The following CSPG4 variants were observed in gnomAD, a reference collection of about 807,000 sequenced individuals.
The protein encoded by CSPG4 is chondroitin sulfate proteoglycan 4, also known as chondroitin sulfate proteoglycan 4 (melanoma-associated).
Under a neutral mutation model 139.3 loss-of-function variants are expected in CSPG4, and 74 were observed. That is an observed-to-expected ratio of 0.53 (90% confidence interval 0.44 to 0.64). The LOEUF is 0.64. Among genes scored for constraint, CSPG4 ranks in the 30% least tolerant of loss-of-function variants. The probability of loss-of-function intolerance (pLI) is 0.00; values close to 1 mark genes in which losing one functional copy is unlikely to be tolerated. For missense variants in CSPG4, 2,565 were observed against 3,148.3 expected (o/e 0.81, Z 4.43); for synonymous variants, 1,234 against 1,394.2 (o/e 0.89, Z 2.56).
In CSPG4 at chr15:75,683,147, C is replaced by T. The variant is rs567959577; in HGVS notation, c.4450-106G>A. 2.8e-4 allele frequency: 327 copies of T among 1,161,096 alleles called. 1 individual carries two copies. In the African/African-American group the frequency reaches 4.4e-3, roughly 16 times the overall value. 71.9% of individuals were successfully genotyped at this position (1,161,096 alleles called of 1,614,324 possible). A position where few individuals can be genotyped will look rare whatever the true frequency, so the allele number is the denominator to read the frequency against. On this transcript the variant is annotated intron_variant, in intron 5 of 9. Transcript: ENST00000308508. ...CTCCAGTCCTGCTGCGGCTCAGCCC[C>T]TCGGGTGGCATCGAGGCTGGCGCCA... is the stretch of plus-strand genomic sequence containing the variant.
chr15:75,702,686 C>G (rs1894321178), intron 1 of CSPG4, among the ~76,000 whole-genome samples: 2 of 152,378 alleles, frequency 1.3e-5, no homozygotes, highest in Middle Eastern at 3.4e-3. Flanking sequence ...ACACTATGGC[C>G]TGGGAGGGCT....
At position 75,691,888 on chromosome 15, in the gene CSPG4, C is replaced by T. The variant is rs577231308; in HGVS notation, c.253-1076G>A. Among the ~76,000 whole-genome samples, 41 of 152,282 alleles carry T rather than the reference C, an allele frequency of 2.7e-4. 1 individual carries two copies. In the South Asian group the frequency reaches 6.4e-3, roughly 24 times the overall value. The stretch of plus-strand genomic sequence containing the variant: ...CTACAGAACTGGACAGCCATCAGCA[C>T]CAGCCTGCACCACGCTGGTGTTTAA... On this transcript the variant is annotated intron_variant, in intron 2 of 9. Coordinates refer to ENST00000308508, the MANE Select transcript of CSPG4 (RefSeq NM_001897.5).
intron 1 of CSPG4, among the ~76,000 whole-genome samples, chr15:75,709,767 C>G (rs955617503): frequency 1.3e-5 from 2 of 152,318 alleles, no homozygotes; most frequent in Admixed American, 1.3e-4. Flanking sequence ...CTGCCGTCAT[C>G]GACAGCCGCC....
chr15:75,703,318 C>G (rs1397640577), intron 1 of CSPG4, among the ~76,000 whole-genome samples: 273 of 149,300 alleles, frequency 1.8e-3, no homozygotes, highest in African/African-American at 6.1e-3. Flanking sequence ...ACTGAGAGAT[C>G]GGGGGTGCTC....
Position 75,698,999 on chromosome 15 carries a change from C to G in CSPG4, c.89-5766G>C, listed in dbSNP as rs1032044270. ...TCACACACCTGCAGACCCCTCAGGG[C>G]TCACTGCTCTTTAGCAACTCTTCCT... On this transcript the variant is annotated intron_variant, in intron 1 of 9. Transcript: ENST00000308508. This position sits in a 1 kb window ranked among gnomAD's most constrained non-coding sequence, Gnocchi z 4.3. 3.2e-4 allele frequency among the ~76,000 whole-genome samples: 48 copies of G among 151,934 alleles called. No homozygotes were observed. The highest frequency in any genetic ancestry group is 1.2e-4 in the Non-Finnish European group (8 of 68,026).
Position 75,688,902 on chromosome 15 carries a change from C to T in CSPG4, c.2163G>A (p.Glu721=). Reference sequence around the variant, plus strand: ...CCTGTGTGGCCCACCACTCAGCACCCTCCACCCCACCTGCCCCCTGCTTCT... The same window carrying T: ...CCTGTGTGGCCCACCACTCAGCACCTTCCACCCCACCTGCCCCCTGCTTCT... ...ELQKQGAGGV[E]GAEWWATQAF... is the part of the protein sequence containing the mutation. The change falls in exon 3 of 10, where the codon GAG becomes GAA. Residue 721 remains glutamate, a synonymous_variant. Coordinates refer to ENST00000308508, the MANE Select transcript of CSPG4 (RefSeq NM_001897.5). 6.2e-7 allele frequency: 1 copy of T among 1,612,284 alleles called. No individual in the cohort carries two copies. Among genetic ancestry groups the T allele is most frequent in the Non-Finnish European group, 8.5e-7 (1 of 1,179,982 alleles).
intron 8 of CSPG4, among the ~76,000 whole-genome samples, chr15:75,678,232 A>G (rs926528565): frequency 6.6e-6 from 1 of 152,204 alleles, no homozygotes; most frequent in African/African-American, 2.4e-5. Context: ...TTCTGAAGAC[A>G]CCACTTCTAC....
chr15:75,677,937 C>T (rs1893917316), intron 8 of CSPG4, 51 bp from the exon 9 acceptor site: 3 of 1,521,314 alleles, frequency 2.0e-6, no homozygotes, highest in Non-Finnish European at 2.6e-6. Flanking sequence ...CTGTGTTGTC[C>T]AGACACTGAG....
intron 1 of CSPG4, among the ~76,000 whole-genome samples, chr15:75,700,149 G>A (rs1302985142): frequency 6.6e-6 from 1 of 152,196 alleles, no homozygotes; most frequent in Non-Finnish European, 1.5e-5. Flanking sequence ...TTAAGCTCCT[G>A]TGGGTGTGGC....
rs188314342 is a variant in CSPG4, at chr15:75,688,326, A to G, written c.2739T>C (p.Gly913=). The part of the protein sequence containing the change: ...TNVLLVVPEG[G]EGVLSADHLF... ...GGTGGTCAGCAGAGAGGACACCCTC[A>G]CCACCCTCAGGCACCACGAGGAGGA... The change falls in exon 3 of 10, where the codon GGT becomes GGC. Residue 913 remains glycine (G), a synonymous_variant. Coordinates refer to ENST00000308508, the MANE Select transcript of CSPG4 (RefSeq NM_001897.5). The G allele has an allele frequency of 6.2e-7, 1 of 1,613,260 alleles. No homozygotes were observed. The highest frequency in any genetic ancestry group is 8.5e-7 in the Non-Finnish European group (1 of 1,180,040).
chr15:75,689,738 C>T lies in CSPG4; in HGVS notation c.1327G>A (p.Gly443Ser), dbSNP rs764727782. 5 of 1,612,802 alleles carry T rather than the reference C, an allele frequency of 3.1e-6. No homozygotes were observed. The South Asian group carries it at 4.4e-5, about 14-fold the overall frequency. ...TISPLVVAEG[G>S]TAWLEWRHVQ... is the part of the protein sequence containing the mutation. ...TGCCTCCACTCAAGCCAGGCTGTGC[C>T]CCCCTCGGCCACCACCAGTGGGCTG... Residue 443 changes from glycine to serine, a missense_variant, in exon 3 of 10, where the codon GGC becomes AGC. By Grantham distance (56) the Gly-to-Ser change is moderately conservative. This residue lies in a region of CSPG4 where 2,316 missense variants were observed against 2,818.2 expected (regional missense o/e 0.82). Transcript: ENST00000308508.
intron 1 of CSPG4, among the ~76,000 whole-genome samples, chr15:75,703,316 A>C (rs1352645188): frequency 6.7e-6 from 1 of 149,134 alleles, no homozygotes; most frequent in Admixed American, 6.7e-5. Context: ...GGACTGAGAG[A>C]TCGGGGGTGC....
chr15:75,709,102 C>T (rs1306036697), intron 1 of CSPG4, among the ~76,000 whole-genome samples: 4 of 152,172 alleles, frequency 2.6e-5, no homozygotes, highest in Admixed American at 6.5e-5. Flanking sequence ...GTTACGGACC[C>T]TCCTGAGAAG....
In CSPG4 at chr15:75,689,802, C is replaced by A. The variant is rs764449195; in HGVS notation, c.1263G>T (p.Leu421=). The A allele has an allele frequency of 1.2e-5, 19 of 1,612,704 alleles. 1 individual carries two copies. In the South Asian group the frequency reaches 1.9e-4, roughly 16 times the overall value. The part of the protein sequence containing the change: ...LPEPCVPEPG[L]PPVFANFTQL... ...GGGTGAAATTGGCAAAGACAGGAGG[C>A]AGCCCTGGCTCAGGCACGCATGGCT... Residue 421 remains leucine (L), a synonymous_variant, in exon 3 of 10, where the codon CTG becomes CTT. Transcript: ENST00000308508.
chr15:75,697,533 C>G (rs1371585837), intron 1 of CSPG4, among the ~76,000 whole-genome samples: 1 of 152,228 alleles, frequency 6.6e-6, no homozygotes, highest in African/African-American at 2.4e-5. Flanking sequence ...CCCGTGTGAG[C>G]CCTACCCACC....
At chr15:75,707,305 TTAAAAAAA>T (rs1279288981) in intron 1 of CSPG4, among the ~76,000 whole-genome samples, 2 of 152,172 alleles carry the variant, frequency 1.3e-5, no homozygotes, top group Non-Finnish European at 2.9e-5. Flanking sequence ...CAAAATTTCT[TTAAAAAAA>T]TCTATAATGT....
In CSPG4 at chr15:75,685,591, G is replaced by A. The variant is rs768726814; in HGVS notation, c.3900C>T (p.Pro1300=). ...VSRGALADEP[P]SLDPVQSFSQ... is the part of the protein sequence containing the mutation. ...AGAAGCTCTGCACAGGGTCCAGGCT[G>A]GGTGGCTCATCTGCCAAGGCGCCAC... Residue 1300 remains proline, a synonymous_variant, in exon 4 of 10, where the codon CCC becomes CCT. Transcript: ENST00000308508. 8 of 1,609,756 alleles carry A rather than the reference G, an allele frequency of 5.0e-6. No homozygotes were observed. In the South Asian group the frequency reaches 6.6e-5, roughly 13 times the overall value.
intron 1 of CSPG4, among the ~76,000 whole-genome samples, chr15:75,703,630 T>C (rs1296438345): frequency 6.6e-6 from 1 of 151,786 alleles, no homozygotes; most frequent in Non-Finnish European, 1.5e-5. Context: ...CCCCAAGGGC[T>C]GTCTTGGGCA....
rs746752555 is a variant in CSPG4 at position 75,682,910 on chromosome 15, C to T, written c.4581G>A (p.Pro1527=). ...SNGRVVLRGA[P]GTEVRSFTQA... Reference sequence around the variant, plus strand: ...GCGTGAAGCTGCGCACCTCAGTGCCCGGCGCCCCCCGCAGCACTACCCGCC... The same window carrying T: ...GCGTGAAGCTGCGCACCTCAGTGCCTGGCGCCCCCCGCAGCACTACCCGCC... Residue 1527 remains proline, a synonymous_variant, in exon 6 of 10, where the codon CCG becomes CCA. Transcript: ENST00000308508. 1.5e-4 allele frequency: 248 copies of T among 1,610,626 alleles called. No homozygotes were observed. The highest frequency in any genetic ancestry group is 1.8e-4 in the Non-Finnish European group (213 of 1,179,558).
Sources: allele counts gnomAD v4.1 joint callset (sites outside exome capture counted in the v4.1 genomes callset), GRCh38; gene constraint gnomAD v4.1.1; regional missense constraint gnomAD v4.1.1; non-coding constraint Gnocchi (gnomAD v3.1); transcripts MANE v1.5; gene names NCBI Gene and HGNC (gene_info 2026-07-23, HGNC 2026-07-21).